The following SHC4 variants were observed in gnomAD, a reference collection of about 807,000 sequenced individuals.
SHC4 encodes SHC-transforming protein 4.
Under a neutral mutation model 69.4 loss-of-function variants are expected in SHC4, and 41 were observed. The ratio of observed to expected loss-of-function variants is 0.59; its 90% CI spans 0.46 to 0.77. The LOEUF (loss-of-function observed/expected upper bound fraction) is 0.77, where lower values mean the gene tolerates loss of function less well. SHC4 is among the 30% of genes least tolerant of loss of function. The pLI is 0.00. For missense variants in SHC4, 777 were observed against 783.8 expected (o/e 0.99, Z 0.10); for synonymous variants, 318 against 299.3 (o/e 1.06, Z -0.64).
At chr15:48,867,718 A>G (rs1461290309) in intron 6 of SHC4, 100 bp downstream of exon 6, 7 of 999,208 alleles carry the variant, frequency 7.0e-6, no homozygotes, top group Non-Finnish European at 7.8e-6. Flanking sequence ...ATAGCACCCT[A>G]GTGATAGTCA....
intron 9 of SHC4, among the ~76,000 whole-genome samples, chr15:48,850,084 T>A (rs181723014): frequency 1.3e-5 from 2 of 152,238 alleles, no homozygotes; most frequent in African/African-American, 4.8e-5. Flanking sequence ...GTGCCTGTAA[T>A]CTCAGCTACT....
chr15:48,896,095 A>G (rs1318088231), intron 2 of SHC4, among the ~76,000 whole-genome samples: 1 of 152,148 alleles, frequency 6.6e-6, no homozygotes, highest in Non-Finnish European at 1.5e-5. Flanking sequence ...CTCAAAAAAA[A>G]TAGTAGTTAT....
chr15:48,936,611 C>T (rs1338878003), intron 1 of SHC4, among the ~76,000 whole-genome samples: 1 of 152,182 alleles, frequency 6.6e-6, no homozygotes, highest in Non-Finnish European at 1.5e-5. Flanking sequence ...CCTGAGACCT[C>T]CCCAGCCATG....
At position 48,890,754 on chromosome 15, in the gene SHC4, C is replaced by G; in HGVS notation, c.714G>C (p.Lys238Asn). The change falls in exon 3 of 12, where the codon AAG (lysine) becomes AAC (asparagine). Residue 238 changes from lysine to asparagine, a missense_variant. Lys to Asn is a moderately conservative substitution (Grantham distance 94). Coordinates refer to ENST00000332408, the MANE Select transcript of SHC4 (RefSeq NM_203349.4). ...AVPGANGAIK[K>N]RKPPVKFLST... Reference sequence around the variant, plus strand: ...AAACCACATCATCATTTACCTTTCGCTTTTTAATGGCTCCATTTGCCCCGG... The same window carrying G: ...AAACCACATCATCATTTACCTTTCGGTTTTTAATGGCTCCATTTGCCCCGG... 6.2e-7 allele frequency: 1 copy of G among 1,614,202 alleles called. No individual in the cohort carries two copies. The highest frequency in any genetic ancestry group is 8.5e-7 in the Non-Finnish European group (1 of 1,180,034).
In SHC4 at chr15:48,963,643, G is replaced by C. The variant is rs975146876; in HGVS notation, c.-628C>G. 6.6e-6 allele frequency among the ~76,000 whole-genome samples: 1 copy of C among 152,128 alleles called. No individual in the cohort carries two copies. The highest frequency in any genetic ancestry group is 2.4e-5 in the African/African-American group (1 of 41,400). Reference sequence around the variant, plus strand: ...CTTGGAAGATCTTGTCTTGCATCCCGTTCTGGGCCACCAGCCAGGAGTACT... The same window carrying C: ...CTTGGAAGATCTTGTCTTGCATCCCCTTCTGGGCCACCAGCCAGGAGTACT... On this transcript the variant is annotated 5_prime_UTR_variant, in exon 1 of 12. Transcript: ENST00000332408.
chr15:48,933,756 A>G (rs1291444814), intron 1 of SHC4, among the ~76,000 whole-genome samples: 4 of 152,214 alleles, frequency 2.6e-5, no homozygotes, highest in Non-Finnish European at 5.9e-5. Flanking sequence ...TGATAGACAT[A>G]TAGATTAGTA....
chr15:48,896,339 G>A (rs917738579), intron 2 of SHC4, among the ~76,000 whole-genome samples: 1 of 70,782 alleles, frequency 1.4e-5, no homozygotes, highest in African/African-American at 5.6e-5. Flanking sequence ...TTTTTTTTTT[G>A]AGACGGAGTC....
chr15:48,872,861 T>C (rs191143696), intron 4 of SHC4, among the ~76,000 whole-genome samples: 1 of 152,326 alleles, frequency 6.6e-6, no homozygotes, highest in African/African-American at 2.4e-5. Context: ...TAATGACCAT[T>C]TGCAGAGACA....
chr15:48,861,557 G>T (rs756104868), intron 6 of SHC4, among the ~76,000 whole-genome samples: 3 of 152,150 alleles, frequency 2.0e-5, no homozygotes, highest in African/African-American at 7.2e-5. Flanking sequence ...GCTTGGCCAA[G>T]AATTGCCCAA....
chr15:48,940,047 C>G (rs1353147792), intron 1 of SHC4, among the ~76,000 whole-genome samples: 1 of 152,184 alleles, frequency 6.6e-6, no homozygotes, highest in Non-Finnish European at 1.5e-5. Flanking sequence ...CAGATGCTGA[C>G]AAGGTTGCTC....
intron 8 of SHC4, among the ~76,000 whole-genome samples, chr15:48,852,944 A>T (rs1899244276): frequency 7.0e-6 from 1 of 143,608 alleles, no homozygotes; most frequent in African/African-American, 2.5e-5. Flanking sequence ...ATAAATAAAT[A>T]AAATAAAAAT....
At chr15:48,937,621 TA>T (rs1284110947) in intron 1 of SHC4, among the ~76,000 whole-genome samples, 1 of 150,720 alleles carries the variant, frequency 6.6e-6, no homozygotes, top group Non-Finnish European at 1.5e-5. Context: ...GATAGATAGA[TA>T]GATAGAGATA....
At chr15:48,888,613 G>C (rs1248407913) in intron 3 of SHC4, among the ~76,000 whole-genome samples, 2 of 152,154 alleles carry the variant, frequency 1.3e-5, no homozygotes, top group African/African-American at 2.4e-5. Flanking sequence ...TTAAGATGAG[G>C]CTGGGAGTGG....
At chr15:48,855,881 C>T in intron 8 of SHC4, 72 bp downstream of exon 8, 1 of 1,460,396 alleles carries the variant, frequency 6.8e-7, no homozygotes, top group Non-Finnish European at 9.2e-7. Context: ...TTTGGAAATC[C>T]TCAAAGTAAA....
intron 4 of SHC4, among the ~76,000 whole-genome samples, chr15:48,875,973 C>T (rs1899790771): frequency 6.6e-6 from 1 of 152,192 alleles, no homozygotes; most frequent in Admixed American, 6.5e-5. Flanking sequence ...GGATGCAGAG[C>T]ACACACGTCT....
chr15:48,883,010 T>G (rs745747476), intron 4 of SHC4, among the ~76,000 whole-genome samples: 1 of 152,224 alleles, frequency 6.6e-6, no homozygotes, highest in Non-Finnish European at 1.5e-5. Context: ...ACACTTTTCC[T>G]CTAAGGTGTT....
At chr15:48,901,063 T>C (rs1595750611) in intron 2 of SHC4, among the ~76,000 whole-genome samples, 1 of 152,260 alleles carries the variant, frequency 6.6e-6, no homozygotes, top group Non-Finnish European at 1.5e-5. Flanking sequence ...GTAACACTTA[T>C]GGACACTGAA....
At chr15:48,840,241 C>T (rs1898967001) in intron 10 of SHC4, among the ~76,000 whole-genome samples, 1 of 152,036 alleles carries the variant, frequency 6.6e-6, no homozygotes, top group Admixed American at 6.6e-5. Flanking sequence ...CAGCATTTGG[C>T]GGGGTGGCGG....
At chr15:48,910,968 C>T (rs1173509753) in intron 2 of SHC4, among the ~76,000 whole-genome samples, 1 of 151,972 alleles carries the variant, frequency 6.6e-6, no homozygotes, top group Non-Finnish European at 1.5e-5. Flanking sequence ...TTTTTTGAGG[C>T]TTGTTTTATG....
Sources: allele counts gnomAD v4.1 joint callset (sites outside exome capture counted in the v4.1 genomes callset), GRCh38; gene constraint gnomAD v4.1.1; transcripts MANE v1.5; gene names NCBI Gene and HGNC (gene_info 2026-07-23, HGNC 2026-07-21).